The following FAM227B variants were observed in gnomAD, a reference collection of about 807,000 sequenced individuals.
FAM227B encodes protein FAM227B.
In FAM227B, 88 loss-of-function variants were observed where a neutral mutation model predicts 73.8. That is an observed-to-expected ratio of 1.19 (90% CI 1.00 to 1.42). The LOEUF (loss-of-function observed/expected upper bound fraction) is 1.42. Among genes scored for constraint, FAM227B ranks in the 40% most tolerant of loss-of-function variants. The pLI is 0.00. For missense variants in FAM227B, 632 were observed against 590.9 expected (o/e 1.07, Z -0.72); for synonymous variants, 210 against 190.5 (o/e 1.10, Z -0.84).
At chr15:49,547,232 G>A (rs2072047367) in intron 9 of FAM227B, among the ~76,000 whole-genome samples, 2 of 152,072 alleles carry the variant, frequency 1.3e-5, no homozygotes, top group African/African-American at 4.8e-5. Context: ...CAAATGCTGA[G>A]AGATTTTGTC....
intron 2 of FAM227B, among the ~76,000 whole-genome samples, chr15:49,613,189 A>C (rs1019309843): frequency 7.2e-5 from 11 of 152,190 alleles, no homozygotes; most frequent in Admixed American, 5.9e-4. Context: ...AATCTCCATA[A>C]AAAATTTTAA....
At chr15:49,457,387 T>A (rs567955780) in intron 11 of FAM227B, among the ~76,000 whole-genome samples, 20 of 152,130 alleles carry the variant, frequency 1.3e-4, no homozygotes, top group South Asian at 4.1e-4. Context: ...ATAACTTTTT[T>A]AAAAAGCATT....
At chr15:49,567,445 C>T (rs2074749755) in intron 9 of FAM227B, among the ~76,000 whole-genome samples, 1 of 152,032 alleles carries the variant, frequency 6.6e-6, no homozygotes, top group Admixed American at 6.6e-5. Context: ...GTGATAGTTT[C>T]TTTCTATCAA....
chr15:49,617,279 C>T (rs2078349917), intron 1 of FAM227B, among the ~76,000 whole-genome samples: 1 of 152,064 alleles, frequency 6.6e-6, no homozygotes, highest in South Asian at 2.1e-4. Flanking sequence ...TAGGCATATA[C>T]AGACAATGTG....
chr15:49,454,852 G>A (rs1208247806), intron 11 of FAM227B, among the ~76,000 whole-genome samples: 3 of 152,004 alleles, frequency 2.0e-5, no homozygotes, highest in Non-Finnish European at 2.9e-5. Context: ...CTCGTGATCC[G>A]CTCGCCTCGG....
intron 11 of FAM227B, among the ~76,000 whole-genome samples, chr15:49,432,683 A>G (rs1360660585): frequency 6.6e-6 from 1 of 151,704 alleles, no homozygotes; most frequent in Non-Finnish European, 1.5e-5. Flanking sequence ...ACATTTTAAT[A>G]ATGACCAACT....
chr15:49,335,719 A>G (rs1390189543), intron 13 of FAM227B, among the ~76,000 whole-genome samples: 1 of 152,226 alleles, frequency 6.6e-6, no homozygotes, highest in African/African-American at 2.4e-5. Context: ...CAGCAACCAT[A>G]GGGCACTATG....
intron 11 of FAM227B, among the ~76,000 whole-genome samples, chr15:49,493,587 C>T (rs1052286107): frequency 8.6e-5 from 13 of 151,926 alleles, no homozygotes; most frequent in Admixed American, 3.9e-4. Flanking sequence ...GATGATTTTT[C>T]TCTTCTATAA....
At chr15:49,478,249 A>G (rs2055547262) in intron 11 of FAM227B, among the ~76,000 whole-genome samples, 2 of 152,098 alleles carry the variant, frequency 1.3e-5, no homozygotes, top group South Asian at 4.1e-4. Flanking sequence ...TTAATGATCT[A>G]TGATATTGAG....
intron 13 of FAM227B, among the ~76,000 whole-genome samples, chr15:49,337,184 TTTA>T (rs1419826614): frequency 2.0e-5 from 3 of 152,202 alleles, no homozygotes; most frequent in African/African-American, 7.2e-5. Context: ...GGTGGAATAA[TTTA>T]TTTTTCTTTT....
At chr15:49,377,097 A>C (rs1381891952) in intron 11 of FAM227B, among the ~76,000 whole-genome samples, 2 of 151,800 alleles carry the variant, frequency 1.3e-5, no homozygotes, top group African/African-American at 4.8e-5. Flanking sequence ...AATTGTTTTA[A>C]TTTTTAGATC....
intron 1 of FAM227B, chr15:49,620,117 ATTC>A (rs1316700573): frequency 6.6e-6 from 1 of 152,192 alleles, no homozygotes; most frequent in Non-Finnish European, 1.5e-5. Context: ...AACCTAAATC[ATTC>A]TTCAAGGCCT....
intron 11 of FAM227B, among the ~76,000 whole-genome samples, chr15:49,412,058 T>A (rs2048905491): frequency 6.6e-6 from 1 of 152,114 alleles, no homozygotes; most frequent in Non-Finnish European, 1.5e-5. Context: ...CAATATTTCG[T>A]CTAAAACATG....
At chr15:49,402,743 A>T (rs1214911653) in intron 11 of FAM227B, among the ~76,000 whole-genome samples, 1 of 152,078 alleles carries the variant, frequency 6.6e-6, no homozygotes, top group Non-Finnish European at 1.5e-5. Flanking sequence ...AGATAATTTG[A>T]CTTCCTCTCT....
intron 3 of FAM227B, among the ~76,000 whole-genome samples, chr15:49,595,448 T>C (rs1457342523): frequency 6.6e-6 from 1 of 151,978 alleles, no homozygotes; most frequent in East Asian, 1.9e-4. Context: ...CTTTCCCTTA[T>C]CTGATTGTTC....
chr15:49,581,410 T>A (rs773935860), intron 5 of FAM227B, among the ~76,000 whole-genome samples: 1 of 151,776 alleles, frequency 6.6e-6, no homozygotes, highest in Non-Finnish European at 1.5e-5. Flanking sequence ...TCACTGCAAC[T>A]TCCCCCTCTC....
chr15:49,537,300 A>T (rs1470973295), intron 10 of FAM227B, among the ~76,000 whole-genome samples: 1 of 152,140 alleles, frequency 6.6e-6, no homozygotes, highest in African/African-American at 2.4e-5. Flanking sequence ...CAAATATATG[A>T]AAAGACACAG....
intron 5 of FAM227B, among the ~76,000 whole-genome samples, chr15:49,579,776 A>T (rs1267964340): frequency 1.3e-5 from 2 of 152,330 alleles, no homozygotes; most frequent in East Asian, 3.9e-4. Context: ...GTATATTTCA[A>T]AATAGCTATA....
chr15:49,479,171 T>C (rs2055646521), intron 11 of FAM227B, among the ~76,000 whole-genome samples: 1 of 152,206 alleles, frequency 6.6e-6, no homozygotes, highest in East Asian at 1.9e-4. Context: ...ATTGACAATA[T>C]TGCTGACAAG....
Sources: allele counts gnomAD v4.1 joint callset (sites outside exome capture counted in the v4.1 genomes callset), GRCh38; gene constraint gnomAD v4.1.1; transcripts MANE v1.5; gene names NCBI Gene and HGNC (gene_info 2026-07-23, HGNC 2026-07-21).